CEP126: variants seen among roughly 807,000 people sequenced by gnomAD.
The protein encoded by CEP126 is centrosomal protein 126, also known as centrosomal protein of 126 kDa.
A neutral mutation model predicts 107.8 loss-of-function variants in CEP126; 74 were observed. That is an observed-to-expected ratio of 0.69 (90% CI 0.57 to 0.83). The LOEUF (loss-of-function observed/expected upper bound fraction) is 0.83. Among genes scored for constraint, CEP126 ranks in the 40% least tolerant of loss-of-function variants. CEP126 has a pLI of 0.00. For missense variants in CEP126, 1,237 were observed against 1,281.9 expected (o/e 0.96, Z 0.53); for synonymous variants, 449 against 446.0 (o/e 1.01, Z -0.08).
At chr11:101,985,062 G>T (rs571256912) in intron 8 of CEP126, among the ~76,000 whole-genome samples, 7 of 152,264 alleles carry the variant, frequency 4.6e-5, no homozygotes, top group African/African-American at 1.4e-4. Context: ...GTGAATAGGT[G>T]TAAGAACATT....
intron 1 of CEP126, among the ~76,000 whole-genome samples, chr11:101,917,028 A>ATATG (rs140184758): frequency 7.4e-6 from 1 of 135,966 alleles, no homozygotes; most frequent in Non-Finnish European, 1.6e-5. Flanking sequence ...AAATCCAACA[A>ATATG]TGTGTGTGTG....
chr11:101,922,664 A>G lies in CEP126; in HGVS notation c.152A>G (p.Lys51Arg). ...SYLDMKIHLE[K>R]NLEEERQILL... ...AGAGATATGAAAATCCATCTGGAGAAAAATTTAGAAGAAGAGCGCCAGATA... is the reference window on the plus strand; with the variant it reads ...AGAGATATGAAAATCCATCTGGAGAGAAATTTAGAAGAAGAGCGCCAGATA... Residue 51 changes from lysine to arginine, a missense_variant, in exon 2 of 11, where the codon AAA (lysine) becomes AGA (arginine). Around this residue, in one of 3 missense-constraint regions of CEP126, gnomAD observed 1,134 missense variants for 1,150.5 expected, o/e 0.99. Transcript: ENST00000263468. 2 of 1,607,932 alleles carry G rather than the reference A, an allele frequency of 1.2e-6. No individual in the cohort carries two copies. The highest frequency in any genetic ancestry group is 1.7e-6 in the Non-Finnish European group (2 of 1,174,658).
chr11:101,984,997 T>A (rs1240468409), intron 8 of CEP126, among the ~76,000 whole-genome samples: 1 of 152,228 alleles, frequency 6.6e-6, no homozygotes, highest in African/African-American at 2.4e-5. Flanking sequence ...CTGAACACAT[T>A]ATTTTCTGAC....
rs886760444 is a variant in CEP126, at chr11:102,001,017, C to T, written c.*3374C>T. The stretch of plus-strand genomic sequence containing the variant: ...TACATGGACTAAATTTTGTCAATTT[C>T]ATGTAATTTACCCTTTGCAATAAAA... On this transcript the variant is annotated 3_prime_UTR_variant, in exon 11 of 11. Coordinates refer to ENST00000263468, the MANE Select transcript of CEP126 (RefSeq NM_020802.4). 6.6e-6 allele frequency: 1 copy of T among 152,088 alleles called. No individual in the cohort carries two copies. Among genetic ancestry groups the T allele is most frequent in the East Asian group, 1.9e-4 (1 of 5,194 alleles). 9.4% of individuals were successfully genotyped at this position (152,088 alleles called of 1,614,324 possible).
At chr11:101,976,543 A>G (rs1411872731) in intron 6 of CEP126, among the ~76,000 whole-genome samples, 1 of 152,220 alleles carries the variant, frequency 6.6e-6, no homozygotes, top group Non-Finnish European at 1.5e-5. Context: ...GGTTCTTATC[A>G]TAAAGCGCAT....
rs1306967627 is a variant in CEP126 at position 101,948,110 on chromosome 11, T to G, written c.474T>G (p.Leu158=). 6 of 1,609,860 alleles carry G rather than the reference T, an allele frequency of 3.7e-6. No individual in the cohort carries two copies. The highest frequency in any genetic ancestry group is 1.6e-4 in the Middle Eastern group (1 of 6,072). The change falls in exon 4 of 11, where the codon CTT becomes CTG. Residue 158 remains leucine, a synonymous_variant. Transcript: ENST00000263468. ...QESNLKSEVN[L]PFSRRPTINW... is the part of the protein sequence containing the mutation. ...CCAACTTAAAATCAGAAGTAAACCTTCCCTTTTCCCGTAGACCAACAATAA... is the reference window on the plus strand; with the variant it reads ...CCAACTTAAAATCAGAAGTAAACCTGCCCTTTTCCCGTAGACCAACAATAA...
intron 6 of CEP126, among the ~76,000 whole-genome samples, chr11:101,973,804 C>T (rs190108288): frequency 2.8e-4 from 42 of 152,162 alleles, no homozygotes; most frequent in Middle Eastern, 3.4e-3. Context: ...TTATATTGTC[C>T]TCATTACTAA....
At chr11:101,995,677 C>T (rs1941433639) in intron 10 of CEP126, among the ~76,000 whole-genome samples, 1 of 152,212 alleles carries the variant, frequency 6.6e-6, no homozygotes, top group Non-Finnish European at 1.5e-5. Context: ...TGGACATACA[C>T]TGACAAATTC....
chr11:101,985,980 C>A (rs1386488641), intron 8 of CEP126, among the ~76,000 whole-genome samples: 1 of 144,300 alleles, frequency 6.9e-6, no homozygotes, highest in African/African-American at 2.5e-5. Context: ...AAGTAAAACT[C>A]TGAATTGATT....
Position 101,962,226 on chromosome 11 carries a change from C to T in CEP126, c.1191C>T (p.Ser397=). 6.2e-7 allele frequency: 1 copy of T among 1,613,894 alleles called. No individual in the cohort carries two copies. Among genetic ancestry groups the T allele is most frequent in the Non-Finnish European group, 8.5e-7 (1 of 1,179,838 alleles). Residue 397 remains serine, a synonymous_variant, in exon 6 of 11, where the codon TCC becomes TCT. Coordinates refer to ENST00000263468, the MANE Select transcript of CEP126 (RefSeq NM_020802.4). ...SETSTMRTTD[S]TSGAFKRERP... ...CTAGCACTATGAGGACAACTGACTC[C>T]ACTTCTGGAGCATTCAAAAGAGAGA...
In CEP126 at chr11:102,000,688, T is replaced by C. The variant is rs1336857342; in HGVS notation, c.*3045T>C. On this transcript the variant is annotated 3_prime_UTR_variant, in exon 11 of 11. Transcript: ENST00000263468. Reference sequence around the variant, plus strand: ...ACCTGAGTGACAGAGCAACACTCTGTCTTAAAAGAAAAAAAAAAAAGAGAG... The same window carrying C: ...ACCTGAGTGACAGAGCAACACTCTGCCTTAAAAGAAAAAAAAAAAAGAGAG... The C allele has an allele frequency of 6.6e-6, 1 of 150,718 alleles. No individual in the cohort carries two copies. Among genetic ancestry groups the C allele is most frequent in the Non-Finnish European group, 1.5e-5 (1 of 67,926 alleles). The allele number at this position is 150,718 out of a possible 1,614,324, so 9.3% of individuals were successfully genotyped here. A position where few individuals can be genotyped will look rare whatever the true frequency, so the allele number is the denominator to read the frequency against.
chr11:101,981,651 TATC>T (rs1252542823), intron 7 of CEP126, among the ~76,000 whole-genome samples: 1 of 152,132 alleles, frequency 6.6e-6, no homozygotes, highest in Non-Finnish European at 1.5e-5. Context: ...TCCAGGACAA[TATC>T]ATAATCTGAA....
chr11:101,989,058 A>G (rs1941345998), intron 9 of CEP126, among the ~76,000 whole-genome samples: 1 of 152,142 alleles, frequency 6.6e-6, no homozygotes, highest in African/African-American at 2.4e-5. Flanking sequence ...AAAATGAACC[A>G]TGTATAAGAC....
chr11:101,955,580 G>A (rs576959303), intron 4 of CEP126, among the ~76,000 whole-genome samples: 3 of 152,150 alleles, frequency 2.0e-5, no homozygotes, highest in Non-Finnish European at 2.9e-5. Context: ...CTAAGAGCAA[G>A]AAATAAGAAA....
intron 6 of CEP126, among the ~76,000 whole-genome samples, chr11:101,977,391 G>A (rs984617110): frequency 7.9e-5 from 12 of 152,028 alleles, no homozygotes; most frequent in Non-Finnish European, 1.6e-4. Flanking sequence ...CCAGCACTTT[G>A]GGAGGACGAG....
rs995167447 is a variant in CEP126 at position 102,000,070 on chromosome 11, C to G, written c.*2427C>G. 2 of 152,224 alleles carry G rather than the reference C, an allele frequency of 1.3e-5. No homozygotes were observed. Among genetic ancestry groups the G allele is most frequent in the East Asian group, 3.9e-4 (2 of 5,178 alleles). The allele number at this position is 152,224 out of a possible 1,614,324, so 9.4% of individuals were successfully genotyped here. A position where few individuals can be genotyped will look rare whatever the true frequency, so the allele number is the denominator to read the frequency against. On this transcript the variant is annotated 3_prime_UTR_variant, in exon 11 of 11. Transcript: ENST00000263468. The stretch of plus-strand genomic sequence containing the variant: ...TGGCACGCACCTCTACTCCCAGCTA[C>G]TAGGAGGCTGAGGCAGGAGAATCGT...
chr11:101,956,552 T>A (rs1009126905), intron 4 of CEP126: 8 of 456,338 alleles, frequency 1.8e-5, no homozygotes, highest in Non-Finnish European at 3.5e-5. Flanking sequence ...TCCTTCTACT[T>A]CCACATCCTT....
intron 2 of CEP126, among the ~76,000 whole-genome samples, chr11:101,926,289 A>G (rs939062248): frequency 6.6e-6 from 1 of 151,842 alleles, no homozygotes; most frequent in Non-Finnish European, 1.5e-5. Context: ...TAGCCAGGGA[A>G]GATGAAGAGG....
At chr11:101,948,758 T>C (rs1336315976) in intron 4 of CEP126, among the ~76,000 whole-genome samples, 3 of 152,210 alleles carry the variant, frequency 2.0e-5, no homozygotes, top group African/African-American at 4.8e-5. Flanking sequence ...GTATATACTA[T>C]TGTAAAATAT....
Sources: allele counts gnomAD v4.1 joint callset (sites outside exome capture counted in the v4.1 genomes callset), GRCh38; gene constraint gnomAD v4.1.1; regional missense constraint gnomAD v4.1.1; transcripts MANE v1.5; gene names NCBI Gene and HGNC (gene_info 2026-07-23, HGNC 2026-07-21).